Variants in ZBTB16 observed in about 807,000 individuals in gnomAD.
ZBTB16 encodes the protein zinc finger and BTB domain containing 16.
In ZBTB16, 8 loss-of-function variants were observed where a neutral mutation model predicts 56.8. The ratio of observed to expected loss-of-function variants is 0.14; its 90% CI spans 0.08 to 0.25. The LOEUF (loss-of-function observed/expected upper bound fraction) is 0.25. Among genes scored for constraint, ZBTB16 ranks in the 10% least tolerant of loss-of-function variants. The pLI is 1.00. For synonymous variants in ZBTB16, 363 were observed against 368.5 expected, an observed-to-expected ratio of 0.98 and a Z score of 0.17; for missense variants, 625 against 903.0, an observed-to-expected ratio of 0.69 and a Z score of 3.95.
chr11:114,111,004 G>T (rs1259088125), intron 2 of ZBTB16, among the ~76,000 whole-genome samples: 1 of 152,218 alleles, frequency 6.6e-6, no homozygotes, highest in African/African-American at 2.4e-5. Flanking sequence ...TGTTGTGCAT[G>T]TTGGGGGGAA....
At chr11:114,235,691 T>TTTCTTTCTTTC (rs1555159924) in intron 4 of ZBTB16, among the ~76,000 whole-genome samples, 1 of 13,094 alleles carries the variant, frequency 7.6e-5, no homozygotes, top group Non-Finnish European at 1.8e-4. Flanking sequence ...TCTTTCTTTC[T>TTTCTTTCTTTC]TTTCTTTCTT....
chr11:114,240,692 C>T (rs1040926290), intron 4 of ZBTB16, among the ~76,000 whole-genome samples: 5 of 152,140 alleles, frequency 3.3e-5, no homozygotes, highest in Non-Finnish European at 7.3e-5. Flanking sequence ...GATACTTCCT[C>T]CTGTGGTGCT....
At chr11:114,090,338 G>A (rs887146072) in intron 2 of ZBTB16, among the ~76,000 whole-genome samples, 2 of 152,216 alleles carry the variant, frequency 1.3e-5, no homozygotes, top group African/African-American at 4.8e-5. Flanking sequence ...TCCCAGGGCT[G>A]TAACGTGGGG....
At chr11:114,177,553 G>A (rs994591056) in intron 3 of ZBTB16, among the ~76,000 whole-genome samples, 3 of 152,082 alleles carry the variant, frequency 2.0e-5, no homozygotes, top group Non-Finnish European at 4.4e-5. Context: ...CACCCGGCCC[G>A]GGACTTCATT....
intron 4 of ZBTB16, among the ~76,000 whole-genome samples, chr11:114,232,904 C>T (rs1428546780): frequency 2.0e-5 from 3 of 152,152 alleles, no homozygotes; most frequent in African/African-American, 7.2e-5. Flanking sequence ...CCAGGCTTCT[C>T]TGCCACAGCT....
intron 4 of ZBTB16, chr11:114,189,174 A>G (rs905828124): frequency 6.6e-6 from 1 of 152,246 alleles, no homozygotes; most frequent in African/African-American, 2.4e-5. Flanking sequence ...ATATTTGCAA[A>G]TCATATATTT....
intron 2 of ZBTB16, among the ~76,000 whole-genome samples, chr11:114,069,336 C>T (rs904254236): frequency 9.9e-5 from 15 of 152,218 alleles, no homozygotes; most frequent in Admixed American, 5.2e-4. Context: ...CCACCTGCCT[C>T]GGCCTCCCAA....
intron 4 of ZBTB16, among the ~76,000 whole-genome samples, chr11:114,225,109 A>G (rs959261833): frequency 6.6e-6 from 1 of 152,160 alleles, no homozygotes; most frequent in African/African-American, 2.4e-5. Context: ...AATTGGCCAG[A>G]AGTCAGTGGG....
intron 2 of ZBTB16, among the ~76,000 whole-genome samples, chr11:114,126,217 T>C (rs962290637): frequency 1.3e-5 from 2 of 152,206 alleles, no homozygotes; most frequent in Non-Finnish European, 2.9e-5. Context: ...AATGCTTTTG[T>C]CTAATGCCAG....
intron 4 of ZBTB16, among the ~76,000 whole-genome samples, chr11:114,200,756 C>T (rs1294530882): frequency 2.6e-5 from 4 of 152,138 alleles, no homozygotes; most frequent in Non-Finnish European, 5.9e-5. Flanking sequence ...CATGCTCAGC[C>T]CCTCAAGCTT....
chr11:114,221,520 A>G (rs542997853), intron 4 of ZBTB16, among the ~76,000 whole-genome samples: 1 of 152,296 alleles, frequency 6.6e-6, no homozygotes, highest in East Asian at 1.9e-4. Flanking sequence ...TTTCAGTTAG[A>G]GAATGTTTCA....
At chr11:114,102,384 G>A (rs1282170392) in intron 2 of ZBTB16, among the ~76,000 whole-genome samples, 6 of 152,150 alleles carry the variant, frequency 3.9e-5, no homozygotes, top group African/African-American at 9.7e-5. Context: ...TGCATAGACC[G>A]TCTTCTGGAT....
At chr11:114,160,416 C>T (rs1228868770) in intron 3 of ZBTB16, among the ~76,000 whole-genome samples, 1 of 152,226 alleles carries the variant, frequency 6.6e-6, no homozygotes, top group East Asian at 1.9e-4. Flanking sequence ...TTCCTCCTTT[C>T]TCTCCCTGTC....
At chr11:114,209,051 C>A (rs923896585) in intron 4 of ZBTB16, among the ~76,000 whole-genome samples, 3 of 152,126 alleles carry the variant, frequency 2.0e-5, no homozygotes, top group African/African-American at 4.8e-5. Context: ...GAGAACCAAC[C>A]ACTTGTGCAG....
chr11:114,155,216 C>G (rs1452919558), intron 2 of ZBTB16, among the ~76,000 whole-genome samples: 1 of 152,268 alleles, frequency 6.6e-6, no homozygotes, highest in Non-Finnish European at 1.5e-5. Context: ...CACGCCTGCC[C>G]TGTCCTGAGG....
chr11:114,156,446 C>G lies in ZBTB16; in HGVS notation c.1366+12C>G. On this transcript the variant is annotated intron_variant, in intron 3 of 6. Coordinates refer to ENST00000335953, the MANE Select transcript of ZBTB16 (RefSeq NM_006006.6). ...ACTGGCTCATTCAGGTAGGCAAGTT[C>G]GCCTTAGTGGCCCGTTCAGATACAG... 3 of 1,613,612 alleles carry G rather than the reference C, an allele frequency of 1.9e-6. No homozygotes were observed. Among genetic ancestry groups the G allele is most frequent in the Non-Finnish European group, 2.5e-6 (3 of 1,179,514 alleles).
chr11:114,115,564 C>T lies in ZBTB16; in HGVS notation c.1269-40773C>T, dbSNP rs557342666. On this transcript the variant is annotated intron_variant, in intron 2 of 6. Transcript: ENST00000335953. ...TTCCCGCGCTGTGCCTCTTCTCTGGCTGCTTGCTGAGGACGTCTCCCAGTG... is the reference window on the plus strand; with the variant it reads ...TTCCCGCGCTGTGCCTCTTCTCTGGTTGCTTGCTGAGGACGTCTCCCAGTG... Among the ~76,000 whole-genome samples the T allele has an allele frequency of 2.1e-3, 326 of 152,226 alleles. 1 individual carries two copies. Among genetic ancestry groups the T allele is most frequent in the South Asian group, 0.011 (53 of 4,812 alleles).
At chr11:114,093,062 A>C (rs192249700) in intron 2 of ZBTB16, among the ~76,000 whole-genome samples, 1 of 152,344 alleles carries the variant, frequency 6.6e-6, no homozygotes, top group East Asian at 1.9e-4. Flanking sequence ...CCTGTCCTAC[A>C]TTGGTAAACT....
chr11:114,076,971 T>G (rs1939591206), intron 2 of ZBTB16, among the ~76,000 whole-genome samples: 1 of 152,086 alleles, frequency 6.6e-6, no homozygotes, highest in African/African-American at 2.4e-5. Flanking sequence ...ATTCAACGGC[T>G]GGGGGGGAGA....
Sources: gnomAD v4.1 joint callset for allele counts (sites outside exome capture counted in the v4.1 genomes callset) on GRCh38, gnomAD v4.1.1 for gene constraint, MANE v1.5 for transcripts, NCBI Gene and HGNC (gene_info 2026-07-23, HGNC 2026-07-21) for gene names.